HERC4: variants seen among roughly 807,000 people sequenced by gnomAD.
HERC4 encodes HECT and RLD domain containing E3 ubiquitin protein ligase 4, also known as probable E3 ubiquitin-protein ligase HERC4.
Under a neutral mutation model 124.3 loss-of-function variants are expected in HERC4, and 28 were observed. That is an observed-to-expected ratio of 0.23 (90% confidence interval 0.17 to 0.31). The LOEUF is 0.31. HERC4 is among the 10% of genes least tolerant of loss of function. The pLI, the probability that HERC4 is intolerant of heterozygous loss-of-function variation, is 1.00. For synonymous variants in HERC4, 407 were observed against 421.5 expected, an observed-to-expected ratio of 0.97 and a Z score of 0.42; for missense variants, 713 against 1,229.3, an observed-to-expected ratio of 0.58 and a Z score of 6.28.
At chr10:67,954,451 T>C in intron 19 of HERC4, 144 bp downstream of exon 19, 1 of 583,482 alleles carries the variant, frequency 1.7e-6, no homozygotes, top group Non-Finnish European at 2.7e-6. Context: ...GTCCAAAGTT[T>C]ATAATTTCTC....
intron 15 of HERC4, among the ~76,000 whole-genome samples, chr10:67,978,370 G>C (rs1337912436): frequency 6.6e-6 from 1 of 152,236 alleles, no homozygotes; most frequent in Non-Finnish European, 1.5e-5. Flanking sequence ...GGGGAGGTCT[G>C]GGGTGTTCCT....
chr10:68,021,383 CA>C (rs2038615332), intron 8 of HERC4, among the ~76,000 whole-genome samples: 2 of 152,066 alleles, frequency 1.3e-5, no homozygotes, highest in African/African-American at 4.8e-5. Flanking sequence ...GAGGAAAAGA[CA>C]CACACAATCA....
intron 16 of HERC4, among the ~76,000 whole-genome samples, chr10:67,961,837 A>G (rs1467583823): frequency 3.9e-5 from 6 of 152,198 alleles, no homozygotes; most frequent in African/African-American, 1.4e-4. Context: ...CCCTATTCAG[A>G]GGAAGAATAT....
intron 4 of HERC4, chr10:68,039,315 C>CAAAAAAAAAAAAAAAA: frequency 9.1e-7 from 1 of 1,097,106 alleles, no homozygotes. Flanking sequence ...GACCCTGTCT[C>CAAAAAAAAAAAAAAAA]AAAAAAAAAA....
rs768914387 is a variant in HERC4 at position 67,927,379 on chromosome 10, CATATATATATATATAT to C, written c.2839-2208_2839-2193del. Among the ~76,000 whole-genome samples the C allele has an allele frequency of 1.7e-4, 15 of 88,014 alleles. 1 individual carries two copies. Among genetic ancestry groups the C allele is most frequent in the African/African-American group, 5.7e-4 (10 of 17,548 alleles). The allele number at this position is 88,014 out of a possible 152,430, so 57.7% of individuals were successfully genotyped here. A position where few individuals can be genotyped will look rare whatever the true frequency, so the allele number is the denominator to read the frequency against. On this transcript the variant is annotated intron_variant, in intron 23 of 24. Coordinates refer to ENST00000373700, the MANE Select transcript of HERC4 (RefSeq NM_015601.4). ...ATCAAAGTGTTAAGAATAAATACAC[CATATATATATATATAT>C]ATATATATATATATATATATATATA...
chr10:67,937,560 C>A lies in HERC4; in HGVS notation c.2572-1325G>T, dbSNP rs548545958. On this transcript the variant is annotated intron_variant, in intron 21 of 24. Coordinates refer to ENST00000373700, the MANE Select transcript of HERC4 (RefSeq NM_015601.4). Reference sequence around the variant, plus strand: ...TATGAGTGAATCAAATAAAAAAGAACCAAAATTTCATAGAAAATCGTTTTT... The same window carrying A: ...TATGAGTGAATCAAATAAAAAAGAAACAAAATTTCATAGAAAATCGTTTTT... Among the ~76,000 whole-genome samples, 3 of 151,510 alleles carry A rather than the reference C, an allele frequency of 2.0e-5. No individual in the cohort carries two copies. In the South Asian group the frequency reaches 6.3e-4, roughly 32 times the overall value.
intron 22 of HERC4, among the ~76,000 whole-genome samples, chr10:67,933,644 A>G (rs1564921131): frequency 6.6e-6 from 1 of 152,190 alleles, no homozygotes; most frequent in Non-Finnish European, 1.5e-5. Flanking sequence ...AGAAGGACCT[A>G]AAATTTTTTC....
At position 68,018,561 on chromosome 10, in the gene HERC4, G is replaced by A. The variant is rs567803644; in HGVS notation, c.909-4375C>T. On this transcript the variant is annotated intron_variant, in intron 8 of 24. Coordinates refer to ENST00000373700, the MANE Select transcript of HERC4 (RefSeq NM_015601.4). ...ATAATAGAAATAACAAAACTGAATT[G>A]ACTCACAGATGGTATGACTACGTAC... Among the ~76,000 whole-genome samples, 20 of 152,220 alleles carry A rather than the reference G, an allele frequency of 1.3e-4. No individual in the cohort carries two copies. The South Asian group carries it at 3.7e-3, about 28-fold the overall frequency.
At chr10:67,927,803 A>G (rs2031304437) in intron 23 of HERC4, among the ~76,000 whole-genome samples, 1 of 152,166 alleles carries the variant, frequency 6.6e-6, no homozygotes, top group Non-Finnish European at 1.5e-5. Flanking sequence ...CAAGGTTTCA[A>G]GTACTTACTG....
chr10:68,036,161 G>A (rs1470336242), intron 5 of HERC4, among the ~76,000 whole-genome samples: 4 of 151,288 alleles, frequency 2.6e-5, no homozygotes, highest in Non-Finnish European at 1.5e-5. Context: ...AAAAAAAAAC[G>A]CAAAAAATTA....
intron 24 of HERC4, among the ~76,000 whole-genome samples, chr10:67,924,663 CA>C (rs1378172831): frequency 6.6e-6 from 1 of 152,128 alleles, no homozygotes; most frequent in Non-Finnish European, 1.5e-5. Context: ...AGGTTATATG[CA>C]AATACTATGC....
intron 16 of HERC4, chr10:67,961,210 G>A (rs1055223452): frequency 1.3e-5 from 2 of 158,668 alleles, no homozygotes; most frequent in African/African-American, 4.8e-5. Flanking sequence ...AACATCCTCA[G>A]TAGTCAGCTT....
chr10:68,031,367 C>T (rs1291422530), intron 7 of HERC4, among the ~76,000 whole-genome samples: 1 of 151,860 alleles, frequency 6.6e-6, no homozygotes, highest in African/African-American at 2.4e-5. Flanking sequence ...TTCCAAATAC[C>T]AATAACGAAA....
chr10:67,940,415 A>G (rs2032777551), intron 20 of HERC4, among the ~76,000 whole-genome samples: 2 of 150,886 alleles, frequency 1.3e-5, no homozygotes, highest in Admixed American at 1.3e-4. Flanking sequence ...AACAACTAAA[A>G]ATTTAGTCTT....
rs1292673670 is a variant in HERC4, at chr10:68,034,176, G to C, written c.474C>G (p.Val158=). 2 of 1,610,674 alleles carry C rather than the reference G, an allele frequency of 1.2e-6. No individual in the cohort carries two copies. The highest frequency in any genetic ancestry group is 1.7e-6 in the Non-Finnish European group (2 of 1,177,378). ...CATATTTATTCTGTCCCCAACAGAA[G>C]ACTTCACTTGCTGTAAAACAGTAAT... is the stretch of plus-strand genomic sequence containing the variant. ...HSLALSKASE[V]FCWGQNKYGQ... is the part of the protein sequence containing the mutation. The change falls in exon 6 of 25, where the codon GTC becomes GTG. Residue 158 remains valine (V), a synonymous_variant. Coordinates refer to ENST00000373700, the MANE Select transcript of HERC4 (RefSeq NM_015601.4).
intron 15 of HERC4, among the ~76,000 whole-genome samples, chr10:67,968,670 T>C (rs902833421): frequency 6.6e-6 from 1 of 151,998 alleles, no homozygotes; most frequent in African/African-American, 2.4e-5. Flanking sequence ...CCACCGCGCC[T>C]GGCCAGAGAG....
At chr10:67,966,889 C>T in intron 15 of HERC4, 87 bp from the exon 16 acceptor site, 1 of 1,008,630 alleles carries the variant, frequency 9.9e-7, no homozygotes, top group Non-Finnish European at 1.4e-6. Context: ...GAGTCTCACT[C>T]TGTCAACCAG....
At chr10:68,019,658 A>C (rs1444012782) in intron 8 of HERC4, among the ~76,000 whole-genome samples, 1 of 152,138 alleles carries the variant, frequency 6.6e-6, no homozygotes, top group Non-Finnish European at 1.5e-5. Flanking sequence ...TTTCCAAGAG[A>C]AGAGTTGGAT....
intron 3 of HERC4, among the ~76,000 whole-genome samples, chr10:68,071,645 C>A (rs2041582052): frequency 6.6e-6 from 1 of 152,116 alleles, no homozygotes; most frequent in Non-Finnish European, 1.5e-5. Flanking sequence ...TTCATTTCTA[C>A]CAATATGACC....
Sources: gnomAD v4.1 joint callset for allele counts (sites outside exome capture counted in the v4.1 genomes callset) on GRCh38, gnomAD v4.1.1 for gene constraint, MANE v1.5 for transcripts, NCBI Gene and HGNC (gene_info 2026-07-23, HGNC 2026-07-21) for gene names.